The following SPICE1 variants were observed in gnomAD, a reference collection of about 807,000 sequenced individuals.
The protein encoded by SPICE1 is spindle and centriole associated protein 1.
A neutral mutation model predicts 102.7 loss-of-function variants in SPICE1; 75 were observed. That is an observed-to-expected ratio of 0.73 (90% CI 0.61 to 0.88). SPICE1 has a LOEUF of 0.88. SPICE1 is among the 40% of genes least tolerant of loss of function. The pLI is 0.00. For missense variants in SPICE1, 979 were observed against 1,020.1 expected (o/e 0.96, Z 0.55); for synonymous variants, 308 against 350.3 (o/e 0.88, Z 1.35).
intron 13 of SPICE1, 142 bp downstream of exon 13, chr3:113,456,994 A>G (rs1315482594): frequency 5.4e-6 from 4 of 738,266 alleles, no homozygotes; most frequent in Non-Finnish European, 8.7e-6. Flanking sequence ...ACATAGCATG[A>G]AAATTCTTCC....
intron 7 of SPICE1, among the ~76,000 whole-genome samples, chr3:113,478,263 T>G (rs115541253): frequency 6.6e-6 from 1 of 152,108 alleles, no homozygotes; most frequent in African/African-American, 2.4e-5. Context: ...TATTTCCAAA[T>G]TGTCTAACAA....
intron 17 of SPICE1, among the ~76,000 whole-genome samples, chr3:113,445,841 A>G (rs1935500314): frequency 6.6e-6 from 1 of 152,278 alleles, no homozygotes; most frequent in South Asian, 2.1e-4. Flanking sequence ...TTTGGGCTAT[A>G]AGCACCCACT....
At chr3:113,495,024 T>C (rs1245608547) in intron 4 of SPICE1, among the ~76,000 whole-genome samples, 4 of 152,176 alleles carry the variant, frequency 2.6e-5, no homozygotes, top group African/African-American at 9.7e-5. Context: ...GTTTTAGCAT[T>C]AAACAAAAAA....
chr3:113,482,044 TTCTTATTGC>T (rs1178429630), intron 7 of SPICE1, among the ~76,000 whole-genome samples: 5 of 152,352 alleles, frequency 3.3e-5, no homozygotes, highest in Admixed American at 3.3e-4. Flanking sequence ...TGTAAAAGCA[TTCTTATTGC>T]TCCACATCCT....
chr3:113,453,596 C>T lies in SPICE1; in HGVS notation c.2012G>A (p.Arg671Gln), dbSNP rs990971763. 11 of 1,614,024 alleles carry T rather than the reference C, an allele frequency of 6.8e-6. No homozygotes were observed. Among genetic ancestry groups the T allele is most frequent in the Admixed American group, 3.3e-5 (2 of 60,000 alleles). ...ATTCTGCAATGTCAAATCAGCAATT[C>T]GTGTCATTATGTCCTTTCTTTGTAT... The part of the protein sequence containing the change: ...SLIQRKDIMT[R>Q]IADLTLQNSA... Residue 671 changes from arginine to glutamine, a missense_variant, in exon 14 of 18, where the codon CGA becomes CAA. Transcript: ENST00000295872.
At chr3:113,507,719 G>A (rs1246747994) in intron 1 of SPICE1, among the ~76,000 whole-genome samples, 1 of 152,128 alleles carries the variant, frequency 6.6e-6, no homozygotes, top group Non-Finnish European at 1.5e-5. Context: ...GATAGCCACG[G>A]TGGTAATGAT....
chr3:113,447,947 T>G lies in SPICE1; in HGVS notation c.2426+91A>C, dbSNP rs568833553. 4.2e-6 allele frequency: 5 copies of G among 1,203,876 alleles called. No homozygotes were observed. The African/African-American group carries it at 6.2e-5, about 15-fold the overall frequency. 74.6% of individuals were successfully genotyped at this position (1,203,876 alleles called of 1,614,324 possible). A position where few individuals can be genotyped will look rare whatever the true frequency, so the allele number is the denominator to read the frequency against. ...GTCTGTCTCAACCTAAGTCAGATAC[T>G]GTACACTTCCTTTTTTCACAAAGAG... On this transcript the variant is annotated intron_variant, in intron 16 of 17. Coordinates refer to ENST00000295872, the MANE Select transcript of SPICE1 (RefSeq NM_144718.4).
chr3:113,501,118 C>A (rs1489109326), intron 3 of SPICE1, among the ~76,000 whole-genome samples: 5 of 152,040 alleles, frequency 3.3e-5, no homozygotes, highest in African/African-American at 1.2e-4. Flanking sequence ...TATTTATGGA[C>A]AAGTGATTTT....
chr3:113,467,373 C>T (rs1165049999), intron 10 of SPICE1, among the ~76,000 whole-genome samples: 1 of 152,172 alleles, frequency 6.6e-6, no homozygotes, highest in Non-Finnish European at 1.5e-5. Context: ...CTCACTGCAA[C>T]CTCCAACTCC....
In SPICE1 at chr3:113,489,081, T is replaced by G. The variant is rs1175638755; in HGVS notation, c.493-18A>C. On this transcript the variant is annotated intron_variant, in intron 6 of 17. Coordinates refer to ENST00000295872, the MANE Select transcript of SPICE1 (RefSeq NM_144718.4). ...TTAAGAGCCTGTCTCAACACAACAA[T>G]AAAAATAGCACAAGTTGATTATATA... 1 of 1,458,640 alleles carries G rather than the reference T, an allele frequency of 6.9e-7. No homozygotes were observed. Among genetic ancestry groups the G allele is most frequent in the Non-Finnish European group, 9.6e-7 (1 of 1,040,880 alleles). 90.4% of individuals were successfully genotyped at this position (1,458,640 alleles called of 1,614,324 possible).
chr3:113,453,048 C>A (rs997196629), intron 14 of SPICE1, among the ~76,000 whole-genome samples: 3 of 152,114 alleles, frequency 2.0e-5, no homozygotes, highest in African/African-American at 7.2e-5. Flanking sequence ...TAGGAAAATC[C>A]ATTCTATGTC....
Position 113,482,416 on chromosome 3 carries a change from G to A in SPICE1, c.611+6529C>T, listed in dbSNP as rs557845870. On this transcript the variant is annotated intron_variant, in intron 7 of 17. Transcript: ENST00000295872. ...GTGCAGGAGCTCTTTAGTTTAATTA[G>A]ATCCTCTTTGTCAATTTTGGCTTTT... Among the ~76,000 whole-genome samples, 3 of 152,268 alleles carry A rather than the reference G, an allele frequency of 2.0e-5. No individual in the cohort carries two copies. In the South Asian group the frequency reaches 6.2e-4, roughly 32 times the overall value.
rs1300629077 is a variant in SPICE1, at chr3:113,459,868, C to A, written c.1435+749G>T. 3.4e-5 allele frequency: 33 copies of A among 978,740 alleles called. No homozygotes were observed. In the African/African-American group the frequency reaches 5.8e-4, roughly 17 times the overall value. The allele number at this position is 978,740 out of a possible 1,614,324, so 60.6% of individuals were successfully genotyped here. ...CTACACTCCAGCCTGGGTGACAGAGCGAAACTCCATCTCAAAAAGAAAAAA... is the reference window on the plus strand; with the variant it reads ...CTACACTCCAGCCTGGGTGACAGAGAGAAACTCCATCTCAAAAAGAAAAAA... On this transcript the variant is annotated intron_variant, in intron 12 of 17. Transcript: ENST00000295872.
intron 7 of SPICE1, among the ~76,000 whole-genome samples, chr3:113,469,600 A>G (rs1421979118): frequency 6.7e-6 from 1 of 150,296 alleles, no homozygotes; most frequent in Non-Finnish European, 1.5e-5. Context: ...GCTATCATTT[A>G]AACTGTTCAA....
intron 7 of SPICE1, among the ~76,000 whole-genome samples, chr3:113,471,121 G>A (rs1936185447): frequency 1.3e-5 from 2 of 151,732 alleles, no homozygotes; most frequent in African/African-American, 4.8e-5. Flanking sequence ...GGGGCCCACT[G>A]GAAGGACCAT....
intron 11 of SPICE1, among the ~76,000 whole-genome samples, chr3:113,462,408 CA>C (rs1388824924): frequency 6.6e-6 from 1 of 152,164 alleles, no homozygotes; most frequent in Non-Finnish European, 1.5e-5. Flanking sequence ...CAGGACAGTT[CA>C]CAATTTCAAT....
intron 7 of SPICE1, among the ~76,000 whole-genome samples, chr3:113,471,062 T>C (rs574171850): frequency 6.6e-6 from 1 of 152,248 alleles, no homozygotes; most frequent in African/African-American, 2.4e-5. Context: ...AGATGAGATT[T>C]TGAACTTGAA....
At chr3:113,464,256 G>GT (rs1186073353) in intron 11 of SPICE1, among the ~76,000 whole-genome samples, 1,774 of 127,900 alleles carry the variant, frequency 0.014, 27 homozygotes, top group African/African-American at 0.038. Context: ...GTTTTTTGTT[G>GT]TTTTTTTTTT....
At chr3:113,487,487 C>G (rs918777831) in intron 7 of SPICE1, among the ~76,000 whole-genome samples, 11 of 151,638 alleles carry the variant, frequency 7.3e-5, no homozygotes, top group African/African-American at 2.7e-4. Context: ...CAATGACTGC[C>G]AAGTGCAATA....
Sources: gnomAD v4.1 joint callset for allele counts (sites outside exome capture counted in the v4.1 genomes callset) on GRCh38, gnomAD v4.1.1 for gene constraint, MANE v1.5 for transcripts, NCBI Gene and HGNC (gene_info 2026-07-23, HGNC 2026-07-21) for gene names.